Variants in KLF12 observed in about 807,000 individuals in gnomAD.
The protein encoded by KLF12 is Krueppel-like factor 12.
A neutral mutation model predicts 37.8 loss-of-function variants in KLF12; 9 were observed. The observed-to-expected ratio is 0.24, with a 90% CI of 0.14 to 0.42. The LOEUF (loss-of-function observed/expected upper bound fraction) is 0.42. KLF12 is among the 10% of genes least tolerant of loss of function. The pLI is 1.00. For missense variants in KLF12, 411 were observed against 516.0 expected, an observed-to-expected ratio of 0.80 and a Z score of 1.97; for synonymous variants, 208 against 202.1, an observed-to-expected ratio of 1.03 and a Z score of -0.25.
intron 7 of KLF12, among the ~76,000 whole-genome samples, chr13:73,714,166 G>A (rs941440253): frequency 1.3e-5 from 2 of 152,164 alleles, no homozygotes; most frequent in Admixed American, 6.5e-5. Context: ...AGAGAGGCTG[G>A]GTGCAGTGGC....
chr13:73,810,330 T>C (rs949770728), intron 5 of KLF12, among the ~76,000 whole-genome samples: 14 of 152,340 alleles, frequency 9.2e-5, no homozygotes, highest in East Asian at 1.9e-4. Flanking sequence ...CATTAAAATA[T>C]ACTAATACAT....
At chr13:73,910,067 A>C (rs1171516633) in intron 3 of KLF12, among the ~76,000 whole-genome samples, 3 of 152,234 alleles carry the variant, frequency 2.0e-5, no homozygotes, top group African/African-American at 7.2e-5. Flanking sequence ...TAGAGATTAC[A>C]GCAAGTTAAA....
intron 4 of KLF12, among the ~76,000 whole-genome samples, chr13:73,833,421 G>GA (rs2138596565): frequency 6.6e-6 from 1 of 152,194 alleles, no homozygotes; most frequent in East Asian, 1.9e-4. Flanking sequence ...AACAACTAGG[G>GA]AAACAGCAGA....
At chr13:73,861,802 C>T (rs1052256732) in intron 3 of KLF12, among the ~76,000 whole-genome samples, 15 of 152,018 alleles carry the variant, frequency 9.9e-5, no homozygotes, top group African/African-American at 2.4e-4. Context: ...TATGTGAATA[C>T]GGCTTAGGTA....
At chr13:74,166,891 C>T in the KLF12 span, among the ~76,000 whole-genome samples, 50 of 152,222 alleles carry the variant, frequency 3.3e-4, no homozygotes, top group African/African-American at 1.2e-3. Context: ...ACCCAGGCTT[C>T]TATCATCTTC....
At chr13:73,970,224 G>C (rs551338416) in intron 2 of KLF12, among the ~76,000 whole-genome samples, 9 of 152,250 alleles carry the variant, frequency 5.9e-5, no homozygotes, top group African/African-American at 1.9e-4. Context: ...TCCTCCTTGT[G>C]TGACCAATTT....
At chr13:73,897,112 C>A (rs1463242456) in intron 3 of KLF12, among the ~76,000 whole-genome samples, 3 of 151,866 alleles carry the variant, frequency 2.0e-5, no homozygotes, top group Non-Finnish European at 4.4e-5. Flanking sequence ...CAAAAATGAC[C>A]TTATCATTTC....
intron 5 of KLF12, among the ~76,000 whole-genome samples, chr13:73,782,770 A>T (rs1881047131): frequency 6.6e-6 from 1 of 152,214 alleles, no homozygotes; most frequent in Non-Finnish European, 1.5e-5. Flanking sequence ...GTGCATTTCA[A>T]AATTTGGTGT....
intron 2 of KLF12, among the ~76,000 whole-genome samples, chr13:73,988,076 T>C (rs1466998417): frequency 1.3e-5 from 2 of 152,252 alleles, no homozygotes; most frequent in East Asian, 3.8e-4. Flanking sequence ...GAAGGGCTCC[T>C]GTCTTCCTTC....
intron 3 of KLF12, among the ~76,000 whole-genome samples, chr13:73,935,143 C>T (rs1047757957): frequency 6.6e-6 from 1 of 151,716 alleles, no homozygotes; most frequent in Non-Finnish European, 1.5e-5. Context: ...CAACGCCTGG[C>T]TAATTTTTGT....
the KLF12 span, among the ~76,000 whole-genome samples, chr13:74,225,056 A>C: frequency 6.6e-6 from 1 of 152,172 alleles, no homozygotes; most frequent in Non-Finnish European, 1.5e-5. Context: ...CCTTGATTGC[A>C]TACAAATTAG....
intron 4 of KLF12, among the ~76,000 whole-genome samples, chr13:73,821,886 C>A (rs965134817): frequency 6.6e-6 from 1 of 152,274 alleles, no homozygotes; most frequent in East Asian, 1.9e-4. Flanking sequence ...TAACTACATG[C>A]ATCTCTCCTT....
intron 6 of KLF12, among the ~76,000 whole-genome samples, chr13:73,753,328 T>G (rs1217090747): frequency 6.6e-6 from 1 of 152,162 alleles, no homozygotes; most frequent in Admixed American, 6.6e-5. Context: ...GCCCAGACCC[T>G]CACCCAGATG....
At chr13:73,987,179 A>C (rs1891845983) in intron 2 of KLF12, among the ~76,000 whole-genome samples, 3 of 152,184 alleles carry the variant, frequency 2.0e-5, no homozygotes, top group African/African-American at 7.2e-5. Context: ...GTAAGACACA[A>C]AAAATCACAC....
intron 5 of KLF12, among the ~76,000 whole-genome samples, chr13:73,808,452 A>T (rs562916426): frequency 2.0e-3 from 301 of 152,316 alleles, no homozygotes; most frequent in African/African-American, 6.9e-3. Flanking sequence ...TAGTAGACTC[A>T]TTACATAAAT....
the KLF12 span, among the ~76,000 whole-genome samples, chr13:74,149,556 C>A: frequency 1.3e-5 from 2 of 152,266 alleles, no homozygotes; most frequent in South Asian, 4.1e-4. Context: ...TACCCTTCAC[C>A]TTTCACCTAG....
chr13:74,020,695 T>G lies in KLF12; in HGVS notation c.-31-25642A>C, dbSNP rs141698551. On this transcript the variant is annotated intron_variant, in intron 1 of 7. Coordinates refer to ENST00000377669, the MANE Select transcript of KLF12 (RefSeq NM_007249.5). ...CACGAGGTCAGGAGATTGAGACCAT[T>G]CTGGCTAACACAGTGAAACCCCGTT... Among the ~76,000 whole-genome samples, 559 of 152,006 alleles carry G rather than the reference T, an allele frequency of 3.7e-3. 3 individuals carry two copies. The highest frequency in any genetic ancestry group is 0.012 in the African/African-American group (514 of 41,452).
the KLF12 span, among the ~76,000 whole-genome samples, chr13:74,145,908 T>C: frequency 1.3e-5 from 2 of 152,322 alleles, no homozygotes; most frequent in Non-Finnish European, 2.9e-5. Context: ...ATTCTTAGTA[T>C]CACAGAGTCT....
At chr13:74,121,637 A>G (rs1240499324) in intron 1 of KLF12, among the ~76,000 whole-genome samples, 2 of 152,074 alleles carry the variant, frequency 1.3e-5, no homozygotes, top group African/African-American at 4.8e-5. Context: ...AAATAACATT[A>G]AAATGTTAAT....
Sources: gnomAD v4.1 joint callset for allele counts (sites outside exome capture counted in the v4.1 genomes callset) on GRCh38, gnomAD v4.1.1 for gene constraint, MANE v1.5 for transcripts, NCBI Gene and HGNC (gene_info 2026-07-23, HGNC 2026-07-21) for gene names.